ACCS: variants seen among roughly 807,000 people sequenced by gnomAD.
ACCS encodes 1-aminocyclopropane-1-carboxylate synthase-like protein 1.
Under a neutral mutation model 59.8 loss-of-function variants are expected in ACCS, and 42 were observed. The ratio of observed to expected loss-of-function variants is 0.70; its 90% CI spans 0.55 to 0.91. The LOEUF is 0.91. ACCS is among the 40% of genes least tolerant of loss of function. The pLI is 0.00. For synonymous variants in ACCS, 230 were observed against 240.3 expected, an observed-to-expected ratio of 0.96 and a Z score of 0.40; for missense variants, 602 against 630.4, an observed-to-expected ratio of 0.95 and a Z score of 0.48.
intron 12 of ACCS, among the ~76,000 whole-genome samples, chr11:44,082,714 T>A (rs532996040): frequency 1.3e-5 from 2 of 152,206 alleles, no homozygotes; most frequent in South Asian, 4.2e-4. Flanking sequence ...TGTACACATG[T>A]ATTAGAATTC....
intron 4 of ACCS, among the ~76,000 whole-genome samples, chr11:44,074,231 T>G (rs72900036): frequency 6.7e-4 from 100 of 149,350 alleles, no homozygotes; most frequent in Admixed American, 2.0e-3. Flanking sequence ...AGGATTATTA[T>G]GAAGAGTAAG....
intron 7 of ACCS, 75 bp from the exon 8 acceptor site, chr11:44,077,770 C>T: frequency 6.4e-7 from 1 of 1,560,054 alleles, no homozygotes; most frequent in East Asian, 2.3e-5. Flanking sequence ...GGAGGAGAGG[C>T]CTGAGAGTTC....
rs532474288 is a variant in ACCS, at chr11:44,079,001, C to G, written c.833+217C>G. ...CAATAGCTATCAATTAGCGCACACT[C>G]TAGGGGCCAGGCACCATGCTAAGCA... On this transcript the variant is annotated intron_variant, in intron 9 of 14. Transcript: ENST00000263776. 16 of 550,344 alleles carry G rather than the reference C, an allele frequency of 2.9e-5. No individual in the cohort carries two copies. The African/African-American group carries it at 3.0e-4, about 10-fold the overall frequency. The allele number at this position is 550,344 out of a possible 1,614,324, so 34.1% of individuals were successfully genotyped here.
chr11:44,068,707 A>G (rs758249389), intron 2 of ACCS, among the ~76,000 whole-genome samples: 32 of 152,260 alleles, frequency 2.1e-4, no homozygotes, highest in Non-Finnish European at 3.8e-4. Context: ...AGTTTTTAGC[A>G]CAGTGCTACT....
At chr11:44,074,040 G>A (rs1953191446) in intron 4 of ACCS, among the ~76,000 whole-genome samples, 1 of 152,186 alleles carries the variant, frequency 6.6e-6, no homozygotes, top group African/African-American at 2.4e-5. Flanking sequence ...AAGACTGATT[G>A]TAAAGCACGT....
chr11:44,073,374 T>C, intron 3 of ACCS, 73 bp from the exon 4 acceptor site: 1 of 1,286,734 alleles, frequency 7.8e-7, no homozygotes, highest in Admixed American at 1.8e-5. Flanking sequence ...AGCGTTCAGC[T>C]TTACCTGCCC....
intron 2 of ACCS, among the ~76,000 whole-genome samples, chr11:44,069,788 A>G (rs1191649669): frequency 1.3e-5 from 2 of 152,212 alleles, no homozygotes; most frequent in East Asian, 1.9e-4. Context: ...GGTACCCAAG[A>G]TGGAAAGCCA....
At position 44,083,592 on chromosome 11, in the gene ACCS, T is replaced by C; in HGVS notation, c.1408+15T>C. The C allele has an allele frequency of 6.2e-7, 1 of 1,614,200 alleles. No individual in the cohort carries two copies. The highest frequency in any genetic ancestry group is 1.1e-5 in the South Asian group (1 of 91,090). On this transcript the variant is annotated intron_variant, in intron 14 of 14. Coordinates refer to ENST00000263776, the MANE Select transcript of ACCS (RefSeq NM_032592.4). ...GCTTTGCCTGGGTGAGCAGCCTGCC[T>C]TTCCAGCCCAGTCCTAACTGCAGCC...
Position 44,083,942 on chromosome 11 carries a change from T to C in ACCS, c.*150T>C. 6.9e-7 allele frequency: 1 copy of C among 1,454,868 alleles called. No homozygotes were observed. The highest frequency in any genetic ancestry group is 1.4e-5 in the South Asian group (1 of 70,228). 90.1% of individuals were successfully genotyped at this position (1,454,868 alleles called of 1,614,324 possible). A position where few individuals can be genotyped will look rare whatever the true frequency, so the allele number is the denominator to read the frequency against. ...TGAAGAACTGTTTCTTGTCTTTCGC[T>C]GTAGCAGTGGGAAACTCCTTAAGCT... On this transcript the variant is annotated 3_prime_UTR_variant, in exon 15 of 15. Transcript: ENST00000263776.
At chr11:44,078,236 GT>G (rs1953469319) in intron 8 of ACCS, 1 of 357,936 alleles carries the variant, frequency 2.8e-6, no homozygotes. Context: ...GGAGTCTGTG[GT>G]TTTACAAGTC....
At chr11:44,070,697 T>C (rs906320342) in intron 2 of ACCS, among the ~76,000 whole-genome samples, 1 of 152,164 alleles carries the variant, frequency 6.6e-6, no homozygotes, top group Non-Finnish European at 1.5e-5. Flanking sequence ...TATTGTGTGA[T>C]GTTGCAGGGT....
At chr11:44,072,299 A>C (rs1462536253) in intron 3 of ACCS, 1 of 152,116 alleles carries the variant, frequency 6.6e-6, no homozygotes, top group Non-Finnish European at 1.5e-5. Flanking sequence ...CTGGGATTAC[A>C]GGCACACACC....
At chr11:44,081,096 G>C in intron 11 of ACCS, 31 bp downstream of exon 11, 1 of 1,614,210 alleles carries the variant, frequency 6.2e-7, no homozygotes, top group Non-Finnish European at 8.5e-7. Flanking sequence ...GGGGGTGTCA[G>C]AAGGGTGGGA....
At chr11:44,078,890 A>G (rs1032228352) in intron 9 of ACCS, 106 bp downstream of exon 9, 6 of 907,960 alleles carry the variant, frequency 6.6e-6, no homozygotes, top group South Asian at 4.7e-5. Flanking sequence ...GTGGGCTGCT[A>G]CTTGCTTGGG....
At position 44,083,516 on chromosome 11, in the gene ACCS, G is replaced by C. The variant is rs149779747; in HGVS notation, c.1347G>C (p.Glu449Asp). ...TGCTGTCCTTTGGCAAGGCCTTCGA[G>C]TGTAAAGAGCCTGGTTGGTTTCGCT... ...KVLLSFGKAF[E>D]CKEPGWFRFV... is the part of the protein sequence containing the mutation. Residue 449 changes from glutamate to aspartate, a missense_variant, in exon 14 of 15, where the codon GAG becomes GAC. By Grantham distance (45) the Glu-to-Asp change is conservative (BLOSUM62 2). Transcript: ENST00000263776. The C allele has an allele frequency of 3.6e-5, 58 of 1,614,136 alleles. No individual in the cohort carries two copies. The highest frequency in any genetic ancestry group is 4.8e-5 in the Non-Finnish European group (57 of 1,180,054).
intron 9 of ACCS, 198 bp downstream of exon 9, chr11:44,078,982 CT>C: frequency 1.7e-6 from 1 of 577,976 alleles, no homozygotes; most frequent in East Asian, 2.9e-5. Context: ...ATAACAATAG[CT>C]ATCAATTAGC....
chr11:44,066,393 T>C lies in ACCS; in HGVS notation c.-309T>C. The C allele has an allele frequency of 6.6e-6, 1 of 152,440 alleles. No individual in the cohort carries two copies. The highest frequency in any genetic ancestry group is 1.5e-5 in the Non-Finnish European group (1 of 68,114). The allele number at this position is 152,440 out of a possible 1,614,324, so 9.4% of individuals were successfully genotyped here. A position where few individuals can be genotyped will look rare whatever the true frequency, so the allele number is the denominator to read the frequency against. On this transcript the variant is annotated 5_prime_UTR_variant, in exon 1 of 15. Transcript: ENST00000263776. Reference sequence around the variant, plus strand: ...TCCCTCTGTGCACTTTGCAAAAGCCTCTGCCCTTCCATCTCGAATCCCTTG... The same window carrying C: ...TCCCTCTGTGCACTTTGCAAAAGCCCCTGCCCTTCCATCTCGAATCCCTTG...
At chr11:44,078,849 G>A (rs1406901482) in intron 9 of ACCS, 65 bp downstream of exon 9, 2 of 1,443,968 alleles carry the variant, frequency 1.4e-6, no homozygotes, top group South Asian at 1.2e-5. Flanking sequence ...TGCGGGTTTG[G>A]TGCAGGTTTT....
chr11:44,073,720 C>G (rs1053393280), intron 4 of ACCS, among the ~76,000 whole-genome samples: 4 of 152,218 alleles, frequency 2.6e-5, no homozygotes, highest in African/African-American at 9.7e-5. Context: ...TAGTGGCAGG[C>G]TGAGGGCCTA....
Sources: gnomAD v4.1 joint callset for allele counts (sites outside exome capture counted in the v4.1 genomes callset) on GRCh38, gnomAD v4.1.1 for gene constraint, MANE v1.5 for transcripts, NCBI Gene and HGNC (gene_info 2026-07-23, HGNC 2026-07-21) for gene names.